The following SH2B2 variants were observed in gnomAD, a reference collection of about 807,000 sequenced individuals.
The protein encoded by SH2B2 is SH2B adapter protein 2.
SH2B2 carries 37 observed loss-of-function variants against 35.7 expected under a neutral mutation model. That is an observed-to-expected ratio of 1.04 (90% CI 0.80 to 1.36). The LOEUF is 1.36. Among genes scored for constraint, SH2B2 ranks in the 40% most tolerant of loss-of-function variants. SH2B2 has a pLI of 0.00. For synonymous variants in SH2B2, 383 were observed against 376.4 expected (o/e 1.02, Z -0.20); for missense variants, 852 against 817.7 (o/e 1.04, Z -0.51).
intron 4 of SH2B2, chr7:102,309,232 G>A (rs77647318): frequency 5.9e-6 from 3 of 509,468 alleles, no homozygotes; most frequent in African/African-American, 1.9e-5. Context: ...AGGGCTGGGG[G>A]CCTGGTGCAG....
chr7:102,312,397 G>GTA (rs1793663397), intron 4 of SH2B2, among the ~76,000 whole-genome samples: 2 of 152,130 alleles, frequency 1.3e-5, no homozygotes, highest in Non-Finnish European at 2.9e-5. Context: ...CAGGGAAATG[G>GTA]TCCATTTTTA....
intron 6 of SH2B2, 170 bp from the exon 7 acceptor site, chr7:102,317,017 C>T (rs1392557992): frequency 5.0e-6 from 3 of 596,578 alleles, no homozygotes; most frequent in East Asian, 3.0e-5. Flanking sequence ...AGCGAAACTT[C>T]GTCTCAAAAA....
In SH2B2 at chr7:102,306,813, C is replaced by G; in HGVS notation, c.822C>G (p.Phe274Leu). 1 of 1,581,558 alleles carries G rather than the reference C, an allele frequency of 6.3e-7. No individual in the cohort carries two copies. Among genetic ancestry groups the G allele is most frequent in the South Asian group, 1.2e-5 (1 of 86,022 alleles). ...AAATGCCAGAGAAGGATAACACATT[C>G]GTCCTCAAGGTGAGGTCTCACCCCT... ...PLEMPEKDNT[F>L]VLKVENGAEY... Residue 274 changes from phenylalanine to leucine, a missense_variant, in exon 3 of 9, where the codon TTC becomes TTG. Phe to Leu is a conservative substitution (Grantham distance 22). This residue lies in a region of SH2B2 where 556 missense variants were observed against 514.5 expected (regional missense o/e 1.08). Coordinates refer to ENST00000444095, the MANE Select transcript of SH2B2 (RefSeq NM_001359228.2).
intron 4 of SH2B2, among the ~76,000 whole-genome samples, chr7:102,312,077 A>C (rs1363701461): frequency 7.1e-6 from 1 of 141,102 alleles, no homozygotes; most frequent in African/African-American, 2.8e-5. Context: ...CTCAGTCTCA[A>C]AAAAAAAAAA....
intron 2 of SH2B2, among the ~76,000 whole-genome samples, chr7:102,306,340 C>T (rs1793398727): frequency 6.6e-6 from 1 of 152,164 alleles, no homozygotes; most frequent in Non-Finnish European, 1.5e-5. Context: ...CCGCCCGCCT[C>T]GGCCTCCCAA....
At chr7:102,317,153 C>T in intron 6 of SH2B2, 34 bp from the exon 7 acceptor site, 1 of 1,513,916 alleles carries the variant, frequency 6.6e-7, no homozygotes, top group Non-Finnish European at 9.0e-7. Flanking sequence ...TTCTCCTTCC[C>T]CCCATGTTCC....
intron 5 of SH2B2, 26 bp from the exon 6 acceptor site, chr7:102,314,486 G>C: frequency 2.5e-6 from 1 of 398,550 alleles, no homozygotes; most frequent in South Asian, 1.3e-4. Context: ...ATAAAGATAC[G>C]TGCATCTTAC....
chr7:102,300,815 G>A lies in SH2B2; in HGVS notation c.265G>A (p.Gly89Ser), dbSNP rs1418768050. The change falls in exon 2 of 9, where the codon GGC becomes AGC. Residue 89 changes from glycine to serine, a missense_variant. Transcript: ENST00000444095. ...GCTGGTGGCTGGGCCGACGACTCGG[G>A]GCGCGGCCGTGAGCGCAGAGGCCAT... ...RVLVAGPTTR[G>S]AAVSAEAMEP... The A allele has an allele frequency of 8.1e-6, 12 of 1,482,916 alleles. No homozygotes were observed. The highest frequency in any genetic ancestry group is 9.9e-6 in the Non-Finnish European group (11 of 1,112,956). 91.9% of individuals were successfully genotyped at this position (1,482,916 alleles called of 1,614,324 possible). A position where few individuals can be genotyped will look rare whatever the true frequency, so the allele number is the denominator to read the frequency against.
At chr7:102,311,951 C>T (rs542985015) in intron 4 of SH2B2, among the ~76,000 whole-genome samples, 3 of 151,142 alleles carry the variant, frequency 2.0e-5, no homozygotes, top group Admixed American at 2.0e-4. Context: ...GAGGCGGGCC[C>T]GCTGTGATCC....
At chr7:102,292,142 G>A (rs561290646) in intron 1 of SH2B2, among the ~76,000 whole-genome samples, 2 of 152,238 alleles carry the variant, frequency 1.3e-5, no homozygotes, top group African/African-American at 4.8e-5. Context: ...GTGAGGCCTT[G>A]TCTCTTGTGT....
At position 102,311,286 on chromosome 7, in the gene SH2B2, G is replaced by A. The variant is rs184200791; in HGVS notation, c.923+2380G>A. On this transcript the variant is annotated intron_variant, in intron 4 of 8. Transcript: ENST00000444095. ...TTTTTTTTTTTTGAGATGGAGTCTCGCTCCATCATCCAGGCTGGAATGTAA... is the reference window on the plus strand; with the variant it reads ...TTTTTTTTTTTTGAGATGGAGTCTCACTCCATCATCCAGGCTGGAATGTAA... Among the ~76,000 whole-genome samples the A allele has an allele frequency of 5.0e-3, 744 of 148,648 alleles. 9 individuals carry two copies. The highest frequency in any genetic ancestry group is 0.018 in the African/African-American group (706 of 40,342).
chr7:102,318,156 T>A (rs1793925879), intron 7 of SH2B2, among the ~76,000 whole-genome samples: 1 of 152,162 alleles, frequency 6.6e-6, no homozygotes, highest in Admixed American at 6.6e-5. Context: ...TTTGTTTTTT[T>A]TTGAGACAGT....
At chr7:102,288,463 A>C (rs1792542178) in intron 1 of SH2B2, among the ~76,000 whole-genome samples, 1 of 152,076 alleles carries the variant, frequency 6.6e-6, no homozygotes, top group Admixed American at 6.5e-5. Flanking sequence ...CCGGCTTCTG[A>C]TGCTGCTTGG....
chr7:102,287,337 G>T (rs1554551037), intron 1 of SH2B2, among the ~76,000 whole-genome samples: 1 of 152,110 alleles, frequency 6.6e-6, no homozygotes, highest in East Asian at 1.9e-4. Flanking sequence ...GGGAGCCGCT[G>T]GAGGGGCCGA....
At chr7:102,290,245 T>C (rs1554551556) in intron 1 of SH2B2, among the ~76,000 whole-genome samples, 1 of 151,238 alleles carries the variant, frequency 6.6e-6, no homozygotes, top group Non-Finnish European at 1.5e-5. Context: ...ACCCCCCTTT[T>C]TTTTTTTTAT....
intron 1 of SH2B2, among the ~76,000 whole-genome samples, chr7:102,289,468 A>G (rs1347460620): frequency 1.3e-5 from 2 of 152,256 alleles, no homozygotes; most frequent in East Asian, 3.9e-4. Context: ...GGCTCTGTGC[A>G]GAGGACAGGC....
chr7:102,319,267 C>T (rs2133049449), intron 7 of SH2B2, among the ~76,000 whole-genome samples: 1 of 152,356 alleles, frequency 6.6e-6, no homozygotes, highest in Admixed American at 6.5e-5. Flanking sequence ...CTCTGCCCAG[C>T]TATGAGGCTG....
At chr7:102,296,173 C>T (rs572773999) in intron 1 of SH2B2, among the ~76,000 whole-genome samples, 39 of 152,292 alleles carry the variant, frequency 2.6e-4, no homozygotes, top group Middle Eastern at 3.4e-3. Flanking sequence ...AGATTGATGG[C>T]GAGGTTGCCC....
At position 102,314,693 on chromosome 7, in the gene SH2B2, GGACAGCCTGCTCTTCC is replaced by G; in HGVS notation, c.1186+12_1186+27del. 1 of 398,666 alleles carries G rather than the reference GGACAGCCTGCTCTTCC, an allele frequency of 2.5e-6. No individual in the cohort carries two copies. Among genetic ancestry groups the G allele is most frequent in the South Asian group, 1.3e-4 (1 of 7,858 alleles). The allele number at this position is 398,666 out of a possible 1,614,324, so 24.7% of individuals were successfully genotyped here. On this transcript the variant is annotated intron_variant, in intron 6 of 8. Coordinates refer to ENST00000444095, the MANE Select transcript of SH2B2 (RefSeq NM_001359228.2). Reference sequence around the variant, plus strand: ...ACAGCAATAACACAGGTGCCAGTGGGGACAGCCTGCTCTTCCCATCCCACCTCTCCTGGACCCCCAC... The same window carrying G: ...ACAGCAATAACACAGGTGCCAGTGGGCATCCCACCTCTCCTGGACCCCCAC...
Sources: allele counts gnomAD v4.1 joint callset (sites outside exome capture counted in the v4.1 genomes callset), GRCh38; gene constraint gnomAD v4.1.1; regional missense constraint gnomAD v4.1.1; transcripts MANE v1.5; gene names NCBI Gene and HGNC (gene_info 2026-07-23, HGNC 2026-07-21).